Variants in IFT52 observed in about 807,000 individuals in gnomAD.
IFT52 encodes intraflagellar transport protein 52 homolog.
Under a neutral mutation model 54.4 loss-of-function variants are expected in IFT52, and 44 were observed. The observed-to-expected ratio is 0.81, with a 90% CI of 0.63 to 1.04. The LOEUF is 1.04. Among genes scored for constraint, IFT52 ranks in the 50% least tolerant of loss-of-function variants. IFT52 has a pLI of 0.00. For missense variants in IFT52, 452 were observed against 523.6 expected (o/e 0.86, Z 1.33); for synonymous variants, 181 against 185.3 (o/e 0.98, Z 0.19).
rs1170393962 is a variant in IFT52, at chr20:43,618,758, ACAGGCTGATC to A, written c.613-179_613-170del. Among the ~76,000 whole-genome samples the A allele has an allele frequency of 2.0e-5, 3 of 152,122 alleles. No individual in the cohort carries two copies. In the East Asian group the frequency reaches 5.8e-4, roughly 29 times the overall value. ...CTCGGCCTCCCAAAGTGCTGGGATTACAGGCTGATCCACTGCGCCTGGCCTATAGTTGGTA... is the reference window on the plus strand; with the variant it reads ...CTCGGCCTCCCAAAGTGCTGGGATTACACTGCGCCTGGCCTATAGTTGGTA... On this transcript the variant is annotated intron_variant, in intron 7 of 13. Coordinates refer to ENST00000373030, the MANE Select transcript of IFT52 (RefSeq NM_016004.5).
chr20:43,634,131 C>T (rs767799520), intron 10 of IFT52, among the ~76,000 whole-genome samples: 1 of 150,018 alleles, frequency 6.7e-6, no homozygotes, highest in Non-Finnish European at 1.5e-5. Flanking sequence ...GAGCTATGAT[C>T]ATACCACTGC....
In IFT52 at chr20:43,635,472, T is replaced by C. The variant is rs751071683; in HGVS notation, c.924-454T>C. 2.6e-4 allele frequency among the ~76,000 whole-genome samples: 40 copies of C among 152,136 alleles called. 1 individual carries two copies. Among genetic ancestry groups the C allele is most frequent in the Non-Finnish European group, 4.4e-5 (3 of 68,036 alleles). On this transcript the variant is annotated intron_variant, in intron 10 of 13. Transcript: ENST00000373030. ...CCACCACACCCGGCTAATTTTTGTA[T>C]TTTTAGTGGAGACAAGGTTTCACTA... is the stretch of plus-strand genomic sequence containing the variant.
At chr20:43,642,154 C>G (rs1985960756) in intron 12 of IFT52, 1 of 223,100 alleles carries the variant, frequency 4.5e-6, no homozygotes, top group South Asian at 1.1e-4. Flanking sequence ...CTATAGTCAT[C>G]TTTGTTGCAT....
chr20:43,607,271 C>A (rs1427065842), intron 6 of IFT52, among the ~76,000 whole-genome samples: 9 of 150,974 alleles, frequency 6.0e-5, no homozygotes, highest in African/African-American at 2.2e-4. Flanking sequence ...GCTGACCCCC[C>A]CACCTCCCTC....
chr20:43,597,837 G>A (rs1231103296), intron 3 of IFT52, among the ~76,000 whole-genome samples: 2 of 142,926 alleles, frequency 1.4e-5, no homozygotes, highest in African/African-American at 5.2e-5. Context: ...GAGTTGCAGC[G>A]AGCAGAGATC....
At chr20:43,635,168 CAA>C (rs958538155) in intron 10 of IFT52, among the ~76,000 whole-genome samples, 6 of 99,884 alleles carry the variant, frequency 6.0e-5, no homozygotes, top group Middle Eastern at 4.7e-3. Flanking sequence ...ACTCTGTCTC[CAA>C]AAAAAAGAGA....
At chr20:43,641,879 C>T (rs1017223339) in intron 12 of IFT52, among the ~76,000 whole-genome samples, 5 of 151,462 alleles carry the variant, frequency 3.3e-5, no homozygotes, top group Admixed American at 6.6e-5. Flanking sequence ...CTGCAACCTC[C>T]ATCTCCCCAG....
rs1981807204 is a variant in IFT52 at position 43,594,814 on chromosome 20, A to G, written c.116A>G (p.Gln39Arg). Residue 39 changes from glutamine to arginine, a missense_variant, in exon 2 of 14, where the codon CAG becomes CGG. Coordinates refer to ENST00000373030, the MANE Select transcript of IFT52 (RefSeq NM_016004.5). Reference sequence around the variant, plus strand: ...AAACTTCGGAGTAATTGGAAGATTCAGAGGTGACTGACCATGTATATTGTT... The same window carrying G: ...AAACTTCGGAGTAATTGGAAGATTCGGAGGTGACTGACCATGTATATTGTT... ...QKKLRSNWKI[Q>R]SLKDEITSEK... 4 of 1,470,270 alleles carry G rather than the reference A, an allele frequency of 2.7e-6. No homozygotes were observed. The highest frequency in any genetic ancestry group is 3.8e-6 in the Non-Finnish European group (4 of 1,048,952). The allele number at this position is 1,470,270 out of a possible 1,614,324, so 91.1% of individuals were successfully genotyped here. A position where few individuals can be genotyped will look rare whatever the true frequency, so the allele number is the denominator to read the frequency against.
intron 1 of IFT52, among the ~76,000 whole-genome samples, chr20:43,591,783 G>T (rs572782183): frequency 6.6e-6 from 1 of 152,268 alleles, no homozygotes; most frequent in East Asian, 1.9e-4. Context: ...TGGGCCCGTA[G>T]TCCTGGCTAC....
In IFT52 at chr20:43,635,925, G is replaced by A; in HGVS notation, c.924-1G>A. The A allele has an allele frequency of 6.2e-7, 1 of 1,613,980 alleles. No homozygotes were observed. Among genetic ancestry groups the A allele is most frequent in the Non-Finnish European group, 8.5e-7 (1 of 1,179,924 alleles). On this transcript the variant is annotated splice_acceptor_variant, in intron 10 of 13. Transcript: ENST00000373030. LOFTEE classifies it high-confidence loss of function. ...GCTTTTTTGTTTGATTATGAACACAGGGCTCACGAGCAGCTAAATGTGAAA... is the reference window on the plus strand; with the variant it reads ...GCTTTTTTGTTTGATTATGAACACAAGGCTCACGAGCAGCTAAATGTGAAA...
intron 2 of IFT52, among the ~76,000 whole-genome samples, chr20:43,596,071 CAT>C (rs146357708): frequency 1.6e-3 from 241 of 152,282 alleles, no homozygotes; most frequent in African/African-American, 5.4e-3. Flanking sequence ...GGAAAGGAAA[CAT>C]GAGAATTAAA....
chr20:43,613,267 C>T (rs1396690998), intron 6 of IFT52, among the ~76,000 whole-genome samples: 1 of 152,206 alleles, frequency 6.6e-6, no homozygotes, highest in Non-Finnish European at 1.5e-5. Context: ...TATTATTATG[C>T]AGAGCAGCTT....
intron 12 of IFT52, among the ~76,000 whole-genome samples, chr20:43,637,471 C>G (rs1257640662): frequency 6.6e-6 from 1 of 152,208 alleles, no homozygotes; most frequent in Non-Finnish European, 1.5e-5. Context: ...TCATATTGGT[C>G]AGGCTGGTCT....
At chr20:43,598,328 G>A (rs974655434) in intron 3 of IFT52, among the ~76,000 whole-genome samples, 2 of 152,130 alleles carry the variant, frequency 1.3e-5, no homozygotes, top group African/African-American at 4.8e-5. Flanking sequence ...TGCTTAATAG[G>A]TATAGAGTTT....
chr20:43,636,062 CT>C, intron 11 of IFT52, 49 bp downstream of exon 11: 1 of 1,555,452 alleles, frequency 6.4e-7, no homozygotes, highest in Non-Finnish European at 8.9e-7. Flanking sequence ...CACTGTTGCC[CT>C]TATCTTGTCA....
At chr20:43,635,168 CA>C (rs958538155) in intron 10 of IFT52, among the ~76,000 whole-genome samples, 1 of 99,786 alleles carries the variant, frequency 1.0e-5, no homozygotes, top group East Asian at 3.0e-4. Flanking sequence ...ACTCTGTCTC[CA>C]AAAAAAAGAG....
At chr20:43,596,047 C>A (rs934635348) in intron 2 of IFT52, among the ~76,000 whole-genome samples, 1 of 152,188 alleles carries the variant, frequency 6.6e-6, no homozygotes, top group Non-Finnish European at 1.5e-5. Context: ...TATTTTGACT[C>A]AGGTCAGTAC....
chr20:43,638,145 C>T (rs1174822180), intron 12 of IFT52, among the ~76,000 whole-genome samples: 1 of 152,000 alleles, frequency 6.6e-6, no homozygotes, highest in Non-Finnish European at 1.5e-5. Flanking sequence ...TAACCATCCA[C>T]TTTGAGGCAG....
At position 43,607,579 on chromosome 20, in the gene IFT52, G is replaced by A. The variant is rs373863110; in HGVS notation, c.485+2506G>A. On this transcript the variant is annotated intron_variant, in intron 6 of 13. Coordinates refer to ENST00000373030, the MANE Select transcript of IFT52 (RefSeq NM_016004.5). ...CCCACATCTCAGACGATGGGCGGCC[G>A]GGCAGAGATGCTCCGCACTTCCTAA... Among the ~76,000 whole-genome samples, 32 of 146,726 alleles carry A rather than the reference G, an allele frequency of 2.2e-4. 1 individual carries two copies. Among genetic ancestry groups the A allele is most frequent in the South Asian group, 1.8e-3 (8 of 4,400 alleles).
Sources: gnomAD v4.1 joint callset for allele counts (sites outside exome capture counted in the v4.1 genomes callset) on GRCh38, gnomAD v4.1.1 for gene constraint, MANE v1.5 for transcripts, NCBI Gene and HGNC (gene_info 2026-07-23, HGNC 2026-07-21) for gene names.